The following XKR6 variants were observed in gnomAD, a reference collection of about 807,000 sequenced individuals.
XKR6 encodes the protein XK related 6.
Under a neutral mutation model 56.7 loss-of-function variants are expected in XKR6, and 22 were observed. The observed-to-expected ratio is 0.39, with a 90% CI of 0.28 to 0.55. The LOEUF is 0.55. XKR6 is among the 20% of genes least tolerant of loss of function. The probability of loss-of-function intolerance (pLI) is 0.66; values close to 1 mark genes in which losing one functional copy is unlikely to be tolerated. For synonymous variants in XKR6, 524 were observed against 387.8 expected, an observed-to-expected ratio of 1.35 and a Z score of -4.13; for missense variants, 852 against 889.0, an observed-to-expected ratio of 0.96 and a Z score of 0.53.
In XKR6 at chr8:10,898,838, T is replaced by C; in HGVS notation, c.1040A>G (p.Asp347Gly). 1 of 1,614,034 alleles carries C rather than the reference T, an allele frequency of 6.2e-7. No individual in the cohort carries two copies. Among genetic ancestry groups the C allele is most frequent in the South Asian group, 1.1e-5 (1 of 91,044 alleles). ...TCTGTAGCTCATGCTCTTCTTGTCG[T>C]CCCTGGAGTCCCGCAGCAGCTTGTG... ...SYHKLLRDSR[D>G]DKKSMSYRGA... The change falls in exon 3 of 3, where the codon GAC becomes GGC. Residue 347 changes from aspartate (D) to glycine (G), a missense_variant. This residue lies in a region of XKR6 where 199 missense variants were observed against 280.4 expected (regional missense o/e 0.71). Coordinates refer to ENST00000416569, the MANE Select transcript of XKR6 (RefSeq NM_173683.4). This position sits in a 1 kb window ranked among gnomAD's most constrained non-coding sequence, Gnocchi z 6.6.
chr8:11,165,029 A>G lies in XKR6; in HGVS notation c.764+35547T>C, dbSNP rs139904297. Among the ~76,000 whole-genome samples, 707 of 152,136 alleles carry G rather than the reference A, an allele frequency of 4.6e-3. 4 individuals carry two copies. The highest frequency in any genetic ancestry group is 0.016 in the African/African-American group (682 of 41,452). ...AGGGTTAAGATACGCCTTGAATCCA[A>G]GAAAATCCCCTGAAGCAGCATGTCA... is the stretch of plus-strand genomic sequence containing the variant. On this transcript the variant is annotated intron_variant, in intron 1 of 2. Transcript: ENST00000416569.
At chr8:11,113,961 C>A (rs905552987) in intron 1 of XKR6, 25 of 328,936 alleles carry the variant, frequency 7.6e-5, no homozygotes, top group Non-Finnish European at 1.1e-4. Flanking sequence ...GCCTCCCTCT[C>A]GCTGGCTTTG....
At chr8:11,141,768 C>G (rs1377037521) in intron 1 of XKR6, among the ~76,000 whole-genome samples, 1 of 152,162 alleles carries the variant, frequency 6.6e-6, no homozygotes, top group Non-Finnish European at 1.5e-5. Context: ...CCTAGCCACA[C>G]TCTCAAAAGG....
At chr8:11,129,474 A>G (rs1799993670) in intron 1 of XKR6, among the ~76,000 whole-genome samples, 1 of 152,040 alleles carries the variant, frequency 6.6e-6, no homozygotes, top group South Asian at 2.1e-4. Context: ...GTTATCAAAC[A>G]GTGGAGAGCT....
intron 1 of XKR6, among the ~76,000 whole-genome samples, chr8:11,024,922 C>T (rs889226941): frequency 2.6e-5 from 4 of 152,204 alleles, no homozygotes; most frequent in Admixed American, 1.3e-4. Context: ...CTGGCCTGGC[C>T]ACACACTCAC....
intron 1 of XKR6, among the ~76,000 whole-genome samples, chr8:11,015,119 T>G (rs889648862): frequency 6.6e-6 from 1 of 151,728 alleles, no homozygotes; most frequent in African/African-American, 2.4e-5. Context: ...GAGGAGGCGC[T>G]TGGGGGCGCC....
Position 11,178,899 on chromosome 8 carries a change from G to C in XKR6, c.764+21677C>G, listed in dbSNP as rs142429566. Among the ~76,000 whole-genome samples the C allele has an allele frequency of 4.7e-4, 72 of 151,674 alleles. No homozygotes were observed. The Middle Eastern group carries it at 0.01, about 22-fold the overall frequency. On this transcript the variant is annotated intron_variant, in intron 1 of 2. Transcript: ENST00000416569. ...CACCCAGGTTGGAGAGTAGAGTGCA[G>C]TGGCACAATCACAGCTCACTGCAGC...
At chr8:11,021,431 C>T (rs910025477) in intron 1 of XKR6, among the ~76,000 whole-genome samples, 2 of 152,218 alleles carry the variant, frequency 1.3e-5, no homozygotes, top group Admixed American at 1.3e-4. Flanking sequence ...AACCCATGGA[C>T]AGAGACACTG....
chr8:11,028,626 C>G (rs866404995), intron 1 of XKR6, among the ~76,000 whole-genome samples: 25 of 152,166 alleles, frequency 1.6e-4, no homozygotes, highest in Admixed American at 5.9e-4. Context: ...ACCTTTCTGG[C>G]CAGACCCCAG....
intron 1 of XKR6, among the ~76,000 whole-genome samples, chr8:11,140,709 A>C (rs1291158265): frequency 6.6e-6 from 1 of 152,004 alleles, no homozygotes; most frequent in Non-Finnish European, 1.5e-5. Flanking sequence ...CATCCTGGCT[A>C]ACACGGTGAA....
intron 1 of XKR6, among the ~76,000 whole-genome samples, chr8:11,027,929 C>A (rs995925429): frequency 6.6e-6 from 1 of 152,294 alleles, no homozygotes; most frequent in East Asian, 1.9e-4. Context: ...GAGTGGTGCA[C>A]TTGTTGCAAT....
In XKR6 at chr8:11,001,821, C is replaced by T. The variant is rs571603821; in HGVS notation, c.765-76991G>A. Among the ~76,000 whole-genome samples, 7 of 152,298 alleles carry T rather than the reference C, an allele frequency of 4.6e-5. 1 individual carries two copies. The highest frequency in any genetic ancestry group is 3.4e-3 in the Middle Eastern group (1 of 294). ...GCAGCCCAGGCCAGCAGCTCACTGC[C>T]GGTCAGGGGCAAGCGGCACTGTGCT... On this transcript the variant is annotated intron_variant, in intron 1 of 2. Transcript: ENST00000416569.
chr8:10,988,198 T>C lies in XKR6; in HGVS notation c.765-63368A>G, dbSNP rs569074249. 3.9e-5 allele frequency among the ~76,000 whole-genome samples: 6 copies of C among 152,318 alleles called. No individual in the cohort carries two copies. In the East Asian group the frequency reaches 1.2e-3, roughly 29 times the overall value. Reference sequence around the variant, plus strand: ...ACATTTTCCTTATTGATTTTATCTATTATCTGACTCCCTTCTAGAATGTAA... The same window carrying C: ...ACATTTTCCTTATTGATTTTATCTACTATCTGACTCCCTTCTAGAATGTAA... On this transcript the variant is annotated intron_variant, in intron 1 of 2. Transcript: ENST00000416569.
At chr8:11,141,081 C>A (rs11786390) in intron 1 of XKR6, among the ~76,000 whole-genome samples, 1 of 152,070 alleles carries the variant, frequency 6.6e-6, no homozygotes, top group Non-Finnish European at 1.5e-5. Flanking sequence ...TGGTTACACG[C>A]TAAGTCGACA....
chr8:10,983,552 C>T (rs1310898712), intron 1 of XKR6, among the ~76,000 whole-genome samples: 1 of 152,130 alleles, frequency 6.6e-6, no homozygotes, highest in Non-Finnish European at 1.5e-5. Flanking sequence ...GAACTTGGCC[C>T]ACTAGGTTTT....
chr8:11,128,003 A>T (rs1466628481), intron 1 of XKR6, among the ~76,000 whole-genome samples: 1 of 152,242 alleles, frequency 6.6e-6, no homozygotes, highest in Admixed American at 6.5e-5. Context: ...TTCAGTTTTC[A>T]CATAAAACGA....
At chr8:11,018,697 A>G (rs1268713122) in intron 1 of XKR6, among the ~76,000 whole-genome samples, 4 of 152,228 alleles carry the variant, frequency 2.6e-5, no homozygotes, top group African/African-American at 7.2e-5. Context: ...ACACACACAC[A>G]TGAACACACA....
chr8:11,035,027 T>A (rs1434971644), intron 1 of XKR6, among the ~76,000 whole-genome samples: 1 of 152,170 alleles, frequency 6.6e-6, no homozygotes, highest in African/African-American at 2.4e-5. Context: ...TGCGTACACA[T>A]TTAGTAGTAG....
chr8:11,137,684 G>A (rs536745310), intron 1 of XKR6: 79 of 456,170 alleles, frequency 1.7e-4, no homozygotes, highest in Admixed American at 8.5e-4. Flanking sequence ...CACAAGCAGC[G>A]GAGAGTCTGC....
Sources: gnomAD v4.1 joint callset for allele counts (sites outside exome capture counted in the v4.1 genomes callset) on GRCh38, gnomAD v4.1.1 for gene constraint, gnomAD v4.1.1 regional missense constraint, Gnocchi (gnomAD v3.1) non-coding constraint, MANE v1.5 for transcripts, NCBI Gene and HGNC (gene_info 2026-07-23, HGNC 2026-07-21) for gene names.